The following NBL1 variants were observed in gnomAD, a reference collection of about 807,000 sequenced individuals.
NBL1 encodes the protein NBL1, DAN family BMP antagonist.
Under a neutral mutation model 16.0 loss-of-function variants are expected in NBL1, and 9 were observed. The observed-to-expected ratio is 0.56, with a 90% CI of 0.34 to 0.98. NBL1 has a LOEUF of 0.98. Among genes scored for constraint, NBL1 ranks in the 50% least tolerant of loss-of-function variants. The pLI, the probability that NBL1 is intolerant of heterozygous loss-of-function variation, is 0.02. For missense variants in NBL1, 196 were observed against 243.1 expected, an observed-to-expected ratio of 0.81 and a Z score of 1.29; for synonymous variants, 86 against 100.7, an observed-to-expected ratio of 0.85 and a Z score of 0.87.
At chr1:19,647,147 G>A (rs938790782) in intron 1 of NBL1, among the ~76,000 whole-genome samples, 4 of 152,214 alleles carry the variant, frequency 2.6e-5, no homozygotes, top group Non-Finnish European at 5.9e-5. Context: ...CTTTGCAGAT[G>A]AGGAAACTGA....
rs1332278694 is a variant in NBL1 at position 19,657,092 on chromosome 1, G to C, written c.509G>C (p.Gly170Ala). ...ACCCCTGAGCCCGAGGACCCCCCTG[G>C]GGCCCCCCACACAGAGGAAGAGGGG... ...GQTPEPEDPP[G>A]APHTEEEGAE... The change falls in exon 4 of 4, where the codon GGG becomes GCG. Residue 170 changes from glycine to alanine, a missense_variant. Coordinates refer to ENST00000375136, the MANE Select transcript of NBL1 (RefSeq NM_005380.8). 1 of 1,513,702 alleles carries C rather than the reference G, an allele frequency of 6.6e-7. No individual in the cohort carries two copies. The highest frequency in any genetic ancestry group is 8.9e-7 in the Non-Finnish European group (1 of 1,123,982). 93.8% of individuals were successfully genotyped at this position (1,513,702 alleles called of 1,614,324 possible).
chr1:19,650,546 C>T (rs540211957), intron 1 of NBL1, among the ~76,000 whole-genome samples: 1 of 152,286 alleles, frequency 6.6e-6, no homozygotes, highest in African/African-American at 2.4e-5. Flanking sequence ...CATTGCTTTG[C>T]CTGACTTGCT....
chr1:19,655,178 G>C lies in NBL1; in HGVS notation c.148G>C (p.Glu50Gln), dbSNP rs755180124. 2 of 1,608,996 alleles carry C rather than the reference G, an allele frequency of 1.2e-6. No homozygotes were observed. The highest frequency in any genetic ancestry group is 1.7e-6 in the Non-Finnish European group (2 of 1,177,832). The stretch of plus-strand genomic sequence containing the variant: ...CCAGATCGTGGGCCACAGCGGCTGT[G>C]AGGCCAAGTCCATCCAGAACAGGTG... Reference protein sequence around the residue: ...ITQIVGHSGCEAKSIQNRACL... With the variant: ...ITQIVGHSGCQAKSIQNRACL... Residue 50 changes from glutamate (E) to glutamine (Q), a missense_variant, in exon 2 of 4, where the codon GAG (glutamate) becomes CAG (glutamine). Coordinates refer to ENST00000375136, the MANE Select transcript of NBL1 (RefSeq NM_005380.8).
At chr1:19,646,114 C>T (rs2094978571) in intron 1 of NBL1, 7 of 1,486,434 alleles carry the variant, frequency 4.7e-6, no homozygotes, top group East Asian at 4.9e-5. Flanking sequence ...CTGGGTGGCA[C>T]GGGGTCGGCC....
chr1:19,647,740 G>A (rs1270802362), intron 1 of NBL1: 12 of 913,404 alleles, frequency 1.3e-5, no homozygotes, highest in African/African-American at 1.8e-5. Context: ...CTGGAAGCAG[G>A]AGGTGAAGAT....
chr1:19,644,156 CG>C (rs955058753), upstream of NBL1: 76 of 979,484 alleles, frequency 7.8e-5, no homozygotes, highest in Non-Finnish European at 8.7e-5. This position sits in a 1 kb window ranked among gnomAD's most constrained non-coding sequence, Gnocchi z 4.6. Context: ...GCCGCCGCGG[CG>C]CCCCCTCCTG....
chr1:19,649,435 T>G (rs2095008371), intron 1 of NBL1, among the ~76,000 whole-genome samples: 1 of 152,104 alleles, frequency 6.6e-6, no homozygotes, highest in African/African-American at 2.4e-5. Flanking sequence ...CTTGGCTCAC[T>G]GCAACCTCTG....
intron 1 of NBL1, among the ~76,000 whole-genome samples, chr1:19,649,502 G>A (rs1345276613): frequency 6.6e-6 from 1 of 151,990 alleles, no homozygotes; most frequent in Non-Finnish European, 1.5e-5. Flanking sequence ...GGGACTACAG[G>A]CATGTGCCAC....
upstream of NBL1, chr1:19,643,294 C>T: frequency 6.2e-7 from 1 of 1,612,816 alleles, no homozygotes; most frequent in African/African-American, 1.3e-5. This position sits in a 1 kb window ranked among gnomAD's most constrained non-coding sequence, Gnocchi z 4.7. Flanking sequence ...CCCAGCAGGC[C>T]ACTAGGAGCC....
At position 19,646,606 on chromosome 1, in the gene NBL1, C is replaced by A. The variant is rs552296252; in HGVS notation, c.-20+2160C>A. On this transcript the variant is annotated intron_variant, in intron 1 of 3. Transcript: ENST00000375136. ...CATTTCAAGACCTGGAGCGATCGCC[C>A]CGCCCTTGCCAAGCCCCAAGCCTAG... is the stretch of plus-strand genomic sequence containing the variant. Among the ~76,000 whole-genome samples, 423 of 152,278 alleles carry A rather than the reference C, an allele frequency of 2.8e-3. 2 individuals carry two copies. The highest frequency in any genetic ancestry group is 3.5e-3 in the Non-Finnish European group (237 of 68,004).
At position 19,644,567 on chromosome 1, in the gene NBL1, G is replaced by A. The variant is rs1252794787; in HGVS notation, c.-20+121G>A. On this transcript the variant is annotated intron_variant, in intron 1 of 3. Coordinates refer to ENST00000375136, the MANE Select transcript of NBL1 (RefSeq NM_005380.8). The surrounding 1 kb of genome is among the most constrained non-coding windows in gnomAD (Gnocchi z 4.6). ...GGCGCGTCCGGCGGCCGCGGGCACC[G>A]GGTGGAGGCGCCGCCGCCGAGCTCA... is the stretch of plus-strand genomic sequence containing the variant. 1.9e-6 allele frequency: 1 copy of A among 523,192 alleles called. No homozygotes were observed. Among genetic ancestry groups the A allele is most frequent in the Non-Finnish European group, 2.4e-6 (1 of 408,348 alleles). 32.4% of individuals were successfully genotyped at this position (523,192 alleles called of 1,614,324 possible).
At chr1:19,647,882 T>TGTGTGC (rs1273943458) in intron 1 of NBL1, among the ~76,000 whole-genome samples, 2 of 137,082 alleles carry the variant, frequency 1.5e-5, no homozygotes, top group African/African-American at 5.7e-5. Flanking sequence ...TGTGTGTGTG[T>TGTGTGC]GCGTGTGCGC....
intron 1 of NBL1, among the ~76,000 whole-genome samples, chr1:19,646,733 C>T (rs1216906737): frequency 6.6e-6 from 1 of 152,226 alleles, no homozygotes; most frequent in Non-Finnish European, 1.5e-5. Flanking sequence ...CTGGAGGAGG[C>T]TGGTGTCTCC....
At chr1:19,644,275 GAGCCGCTCCCCCGCGCC>G, upstream of NBL1, 2 of 979,434 alleles carry the variant, frequency 2.0e-6, no homozygotes, top group Non-Finnish European at 1.2e-6. The surrounding 1 kb of genome is among the most constrained non-coding windows in gnomAD (Gnocchi z 4.6). Context: ...CCTGACGTCG[GAGCCGCTCCCCCGCGCC>G]GCGCGCCCGC....
chr1:19,656,323 G>A (rs550832312), intron 3 of NBL1, among the ~76,000 whole-genome samples: 46 of 150,782 alleles, frequency 3.1e-4, no homozygotes, highest in African/African-American at 1.1e-3. Flanking sequence ...GGGCTTTGGG[G>A]TGGGGCTCTT....
At chr1:19,645,465 G>A in intron 1 of NBL1, 2 of 991,704 alleles carry the variant, frequency 2.0e-6, no homozygotes, top group Non-Finnish European at 2.4e-6. Context: ...CCAGGCTTTC[G>A]GAGGCCCTCG....
At chr1:19,656,033 C>G (rs561185014) in intron 3 of NBL1, among the ~76,000 whole-genome samples, 1 of 152,300 alleles carries the variant, frequency 6.6e-6, no homozygotes, top group Admixed American at 6.5e-5. Flanking sequence ...ACCGTTGGCT[C>G]TCAGAGCACA....
upstream of NBL1, chr1:19,643,311 G>A: frequency 6.2e-7 from 1 of 1,613,874 alleles, no homozygotes; most frequent in Non-Finnish European, 8.5e-7. The surrounding 1 kb of genome is among the most constrained non-coding windows in gnomAD (Gnocchi z 4.7). Context: ...AGCCACCCAG[G>A]ATGCCCGGCA....
At position 19,655,434 on chromosome 1, in the gene NBL1, T is replaced by C; in HGVS notation, c.281T>C (p.Ile94Thr). The part of the protein sequence containing the change: ...SCMPAQSMWE[I>T]VTLECPGHEE... ...ATGCCAGCCCAGTCCATGTGGGAGA[T>C]TGTGAGTACTGCCTGCCTGCCCCAC... is the stretch of plus-strand genomic sequence containing the variant. Residue 94 changes from isoleucine to threonine, a missense_variant and splice_region_variant, in exon 3 of 4, where the codon ATT becomes ACT. Coordinates refer to ENST00000375136, the MANE Select transcript of NBL1 (RefSeq NM_005380.8). The C allele has an allele frequency of 6.2e-7, 1 of 1,613,924 alleles. No individual in the cohort carries two copies. Among genetic ancestry groups the C allele is most frequent in the Non-Finnish European group, 8.5e-7 (1 of 1,179,958 alleles).
Sources: gnomAD v4.1 joint callset for allele counts (sites outside exome capture counted in the v4.1 genomes callset) on GRCh38, gnomAD v4.1.1 for gene constraint, Gnocchi (gnomAD v3.1) non-coding constraint, MANE v1.5 for transcripts, NCBI Gene and HGNC (gene_info 2026-07-23, HGNC 2026-07-21) for gene names.